RALGAPA2: variants seen among roughly 807,000 people sequenced by gnomAD.
RALGAPA2 encodes ral GTPase-activating protein subunit alpha-2.
Under a neutral mutation model 230.4 loss-of-function variants are expected in RALGAPA2, and 139 were observed. That is an observed-to-expected ratio of 0.60 (90% CI 0.53 to 0.69). RALGAPA2 has a LOEUF of 0.69. Ranked by LOEUF, RALGAPA2 falls within the 30% of genes least tolerant of loss-of-function variation. The probability of loss-of-function intolerance (pLI) is 0.00; values close to 1 mark genes in which losing one functional copy is unlikely to be tolerated. For missense variants in RALGAPA2, 2,163 were observed against 2,276.0 expected (o/e 0.95, Z 1.01); for synonymous variants, 847 against 837.8 (o/e 1.01, Z -0.19).
intron 1 of RALGAPA2, among the ~76,000 whole-genome samples, chr20:20,681,527 G>A (rs905589848): frequency 4.6e-5 from 7 of 152,186 alleles, no homozygotes; most frequent in Admixed American, 3.3e-4. Context: ...CAAGGGCCCC[G>A]ATCAGCCAGG....
At chr20:20,517,127 C>A (rs796644714) in intron 31 of RALGAPA2, among the ~76,000 whole-genome samples, 3 of 152,306 alleles carry the variant, frequency 2.0e-5, no homozygotes, top group African/African-American at 4.8e-5. Context: ...CCTCCTGGAA[C>A]AATTCACGGT....
intron 2 of RALGAPA2, 147 bp downstream of exon 2, chr20:20,680,544 A>G (rs1031378733): frequency 8.4e-7 from 1 of 1,196,006 alleles, no homozygotes; most frequent in African/African-American, 1.6e-5. Context: ...AGAAACAAAG[A>G]TGCCACCCTG....
At chr20:20,516,131 A>G (rs141671399) in intron 31 of RALGAPA2, among the ~76,000 whole-genome samples, 12 of 152,322 alleles carry the variant, frequency 7.9e-5, no homozygotes, top group Non-Finnish European at 1.8e-4. Flanking sequence ...TCTCTGGAAC[A>G]TTACCCTGAA....
intron 31 of RALGAPA2, among the ~76,000 whole-genome samples, chr20:20,515,891 G>T (rs1211224345): frequency 6.6e-6 from 1 of 152,170 alleles, no homozygotes; most frequent in Non-Finnish European, 1.5e-5. Flanking sequence ...TCTGCCTCAT[G>T]GGCAGACAGG....
intron 12 of RALGAPA2, among the ~76,000 whole-genome samples, chr20:20,617,566 A>G (rs1189746844): frequency 2.6e-5 from 4 of 152,230 alleles, no homozygotes; most frequent in Non-Finnish European, 5.9e-5. Flanking sequence ...AATATGAATT[A>G]AAAACTTTTT....
intron 24 of RALGAPA2, among the ~76,000 whole-genome samples, chr20:20,541,955 A>G (rs1346631238): frequency 6.6e-6 from 1 of 152,216 alleles, no homozygotes; most frequent in African/African-American, 2.4e-5. Flanking sequence ...AGGGTATTCA[A>G]ATAGGAAGTC....
At position 20,639,724 on chromosome 20, in the gene RALGAPA2, A is replaced by G. The variant is rs112440407; in HGVS notation, c.666+61T>C. 2,875 of 1,164,454 alleles carry G rather than the reference A, an allele frequency of 2.5e-3. 50 individuals carry two copies. The African/African-American group carries it at 0.038, about 16-fold the overall frequency. The allele number at this position is 1,164,454 out of a possible 1,614,324, so 72.1% of individuals were successfully genotyped here. A position where few individuals can be genotyped will look rare whatever the true frequency, so the allele number is the denominator to read the frequency against. ...TAGATACACAGAGGGAAAAGAGGCA[A>G]TATTTCCTCTTCCTGCTGAGAATAA... On this transcript the variant is annotated intron_variant, in intron 7 of 39. Transcript: ENST00000202677.
At position 20,701,229 on chromosome 20, in the gene RALGAPA2, A is replaced by G. The variant is rs1413781736; in HGVS notation, c.106+11146T>C. 2.6e-5 allele frequency among the ~76,000 whole-genome samples: 4 copies of G among 152,306 alleles called. No individual in the cohort carries two copies. The East Asian group carries it at 7.7e-4, about 29-fold the overall frequency. On this transcript the variant is annotated intron_variant, in intron 1 of 39. Transcript: ENST00000202677. ...TCTCATGTGTAAAATAGGGATAATG[A>G]TATTCCCTATCTCTTTGGGGCAGAT...
At chr20:20,576,999 T>G (rs2064839584) in intron 20 of RALGAPA2, among the ~76,000 whole-genome samples, 1 of 152,176 alleles carries the variant, frequency 6.6e-6, no homozygotes, top group Non-Finnish European at 1.5e-5. Context: ...AACATGTATG[T>G]TATTCTGTTA....
At chr20:20,547,603 C>A (rs562873830) in intron 23 of RALGAPA2, among the ~76,000 whole-genome samples, 4 of 152,190 alleles carry the variant, frequency 2.6e-5, no homozygotes, top group Non-Finnish European at 1.5e-5. Context: ...TCATGCCATC[C>A]ATGGCCAGGC....
At chr20:20,644,085 T>C (rs1176934765) in intron 4 of RALGAPA2, among the ~76,000 whole-genome samples, 1 of 152,140 alleles carries the variant, frequency 6.6e-6, no homozygotes, top group Non-Finnish European at 1.5e-5. Context: ...TGCAGCCCAC[T>C]AGAATGAGAA....
Position 20,526,241 on chromosome 20 carries a change from A to T in RALGAPA2, c.3693+11T>A, listed in dbSNP as rs1362155927. 6.5e-7 allele frequency: 1 copy of T among 1,534,278 alleles called. No individual in the cohort carries two copies. Among genetic ancestry groups the T allele is most frequent in the Non-Finnish European group, 9.0e-7 (1 of 1,116,866 alleles). On this transcript the variant is annotated intron_variant, in intron 28 of 39. Coordinates refer to ENST00000202677, the MANE Select transcript of RALGAPA2 (RefSeq NM_020343.4). ...TGCTTATGTTTTAGTATTACAGAAA[A>T]AAAGACTTACTTCTGCCATTTTCCG...
chr20:20,624,356 C>CA, intron 10 of RALGAPA2, among the ~76,000 whole-genome samples: 1 of 144,214 alleles, frequency 6.9e-6, no homozygotes, highest in South Asian at 2.2e-4. Context: ...AAAAGAAAGG[C>CA]AAAAGAAAAA....
chr20:20,471,993 A>G (rs1197691963), intron 37 of RALGAPA2: 1 of 152,204 alleles, frequency 6.6e-6, no homozygotes, highest in Non-Finnish European at 1.5e-5. Context: ...GGTCAAACAC[A>G]ATATGTTTCA....
intron 1 of RALGAPA2, among the ~76,000 whole-genome samples, chr20:20,711,651 G>A (rs928323481): frequency 6.6e-6 from 1 of 152,018 alleles, no homozygotes; most frequent in Non-Finnish European, 1.5e-5. Context: ...AAACCAGAAG[G>A]TGGCAGACAG....
chr20:20,689,770 A>C (rs1301827682), intron 1 of RALGAPA2, among the ~76,000 whole-genome samples: 1 of 152,228 alleles, frequency 6.6e-6, no homozygotes, highest in African/African-American at 2.4e-5. Flanking sequence ...GAGTTTCAAA[A>C]ATTAAAGAAA....
intron 15 of RALGAPA2, among the ~76,000 whole-genome samples, chr20:20,604,910 A>G (rs1164366616): frequency 6.6e-6 from 1 of 152,198 alleles, no homozygotes; most frequent in African/African-American, 2.4e-5. Context: ...TGTACAATGT[A>G]ATAGCCATTA....
At chr20:20,450,349 C>G (rs2060959811) in intron 37 of RALGAPA2, among the ~76,000 whole-genome samples, 1 of 152,174 alleles carries the variant, frequency 6.6e-6, no homozygotes, top group East Asian at 1.9e-4. Context: ...CACATGGTAT[C>G]AAAACGGGAA....
At chr20:20,572,789 C>A in intron 21 of RALGAPA2, 86 bp downstream of exon 21, 2 of 1,150,042 alleles carry the variant, frequency 1.7e-6, no homozygotes, top group Admixed American at 3.0e-5. Flanking sequence ...GGAATATGTT[C>A]AGTAGTTAAC....
Sources: allele counts gnomAD v4.1 joint callset (sites outside exome capture counted in the v4.1 genomes callset), GRCh38; gene constraint gnomAD v4.1.1; transcripts MANE v1.5; gene names NCBI Gene and HGNC (gene_info 2026-07-23, HGNC 2026-07-21).